TLN1: variants seen among roughly 807,000 people sequenced by gnomAD.
The protein encoded by TLN1 is talin-1.
TLN1 carries 56 observed loss-of-function variants against 292.3 expected under a neutral mutation model. That is an observed-to-expected ratio of 0.19 (90% CI 0.15 to 0.24). The LOEUF is 0.24. Among genes scored for constraint, TLN1 ranks in the 10% least tolerant of loss-of-function variants. TLN1 has a pLI of 1.00. For missense variants in TLN1, 2,433 were observed against 3,248.2 expected (o/e 0.75, Z 6.10); for synonymous variants, 1,119 against 1,253.7 (o/e 0.89, Z 2.27).
Position 35,724,560 on chromosome 9 carries a change from A to T in TLN1, c.511+12T>A. On this transcript the variant is annotated intron_variant, in intron 5 of 56. Coordinates refer to ENST00000314888, the MANE Select transcript of TLN1 (RefSeq NM_006289.4). The surrounding 1 kb of genome is among the most constrained non-coding windows in gnomAD (Gnocchi z 4.7). ...CCATTTCAAAAGCCCTCTTTTTTCTAGTTCTGCTTACACTCATCATCTGTG... is the reference window on the plus strand; with the variant it reads ...CCATTTCAAAAGCCCTCTTTTTTCTTGTTCTGCTTACACTCATCATCTGTG... The T allele has an allele frequency of 6.2e-7, 1 of 1,602,484 alleles. No homozygotes were observed. Among genetic ancestry groups the T allele is most frequent in the South Asian group, 1.1e-5 (1 of 89,258 alleles).
At chr9:35,722,346 A>G (rs1470623186) in intron 8 of TLN1, 123 bp from the exon 9 acceptor site, 1 of 834,380 alleles carries the variant, frequency 1.2e-6, no homozygotes, top group Non-Finnish European at 2.0e-6. Context: ...GGAGTACAAG[A>G]TATGAGAACG....
rs41277063 is a variant in TLN1, at chr9:35,719,723, C to T, written c.1578+17G>A. On this transcript the variant is annotated intron_variant, in intron 14 of 56. Transcript: ENST00000314888. This position sits in a 1 kb window ranked among gnomAD's most constrained non-coding sequence, Gnocchi z 4.6. ...TCAGCTTCAGTACCACCGGCCTCTCCTCCATCCCATACTTACAGCATCCTG... is the reference window on the plus strand; with the variant it reads ...TCAGCTTCAGTACCACCGGCCTCTCTTCCATCCCATACTTACAGCATCCTG... 2,990 of 1,610,400 alleles carry T rather than the reference C, an allele frequency of 1.9e-3. 6 individuals are homozygous for T. The highest frequency in any genetic ancestry group is 2.2e-3 in the Non-Finnish European group (2,605 of 1,178,020).
In TLN1 at chr9:35,719,116, T is replaced by A; in HGVS notation, c.1854A>T (p.Ala618=). The change falls in exon 16 of 57, where the codon GCA becomes GCT. Residue 618 remains alanine (A), a synonymous_variant. Transcript: ENST00000314888. The surrounding 1 kb of genome is among the most constrained non-coding windows in gnomAD (Gnocchi z 4.6). ...LLQAAKGLAG[A]VSELLRSAQP... The stretch of plus-strand genomic sequence containing the variant: ...GGGCACTGCGCAGCAGTTCTGACAC[T>A]GCTCCCGCAAGGCCCTTTGCTGCCT... The A allele has an allele frequency of 6.2e-7, 1 of 1,614,038 alleles. No individual in the cohort carries two copies. Among genetic ancestry groups the A allele is most frequent in the Non-Finnish European group, 8.5e-7 (1 of 1,180,032 alleles).
intron 16 of TLN1, 57 bp from the exon 17 acceptor site, chr9:35,718,967 A>T: frequency 2.5e-6 from 4 of 1,594,668 alleles, no homozygotes; most frequent in Non-Finnish European, 3.4e-6. Flanking sequence ...ATGCCTGTGC[A>T]TATCACAGGC....
In TLN1 at chr9:35,718,977, C is replaced by T. The variant is rs116203685; in HGVS notation, c.1897-67G>A. 7.2e-4 allele frequency: 1,145 copies of T among 1,596,554 alleles called. 11 individuals are homozygous for T. In the African/African-American group the frequency reaches 0.014, roughly 20 times the overall value. On this transcript the variant is annotated intron_variant, in intron 16 of 56. Transcript: ENST00000314888. ...CCCACATGCCTGTGCATATCACAGG[C>T]CCACGGGACCCAGGCTTCCATCCTG...
At position 35,707,694 on chromosome 9, in the gene TLN1, A is replaced by G; in HGVS notation, c.4632+37T>C. Reference sequence around the variant, plus strand: ...GGGGACTCGGGGGAGAAGATAGGACAGGTCAGGGAGAGGCTGGGAATTCAA... The same window carrying G: ...GGGGACTCGGGGGAGAAGATAGGACGGGTCAGGGAGAGGCTGGGAATTCAA... On this transcript the variant is annotated intron_variant, in intron 35 of 56. Coordinates refer to ENST00000314888, the MANE Select transcript of TLN1 (RefSeq NM_006289.4). The surrounding 1 kb of genome is among the most constrained non-coding windows in gnomAD (Gnocchi z 5.6). 1 of 1,613,494 alleles carries G rather than the reference A, an allele frequency of 6.2e-7. No homozygotes were observed. Among genetic ancestry groups the G allele is most frequent in the Admixed American group, 1.7e-5 (1 of 60,010 alleles).
chr9:35,723,548 G>A (rs1445339674), intron 7 of TLN1: 1 of 222,480 alleles, frequency 4.5e-6, no homozygotes, highest in East Asian at 1.6e-4. Context: ...CTAGAAGGAT[G>A]AACATGCACT....
rs1308171063 is a variant in TLN1 at position 35,720,231 on chromosome 9, T to C, written c.1284-12A>G. 7.0e-6 allele frequency: 11 copies of C among 1,566,914 alleles called. No homozygotes were observed. Among genetic ancestry groups the C allele is most frequent in the Non-Finnish European group, 8.6e-6 (10 of 1,157,434 alleles). ...GCAGGACTGTTGACCTGTAGAGGGG[T>C]GAACTATTGAGCTCACAGAGGACTC... is the stretch of plus-strand genomic sequence containing the variant. On this transcript the variant is annotated splice_polypyrimidine_tract_variant and intron_variant, in intron 12 of 56. Transcript: ENST00000314888.
chr9:35,707,276 GGTAA>G lies in TLN1; in HGVS notation c.4774-27_4774-24del, dbSNP rs1189957921. 3 of 1,604,384 alleles carry G rather than the reference GGTAA, an allele frequency of 1.9e-6. No homozygotes were observed. Among genetic ancestry groups the G allele is most frequent in the Non-Finnish European group, 2.6e-6 (3 of 1,172,996 alleles). On this transcript the variant is annotated intron_variant, in intron 36 of 56. Transcript: ENST00000314888. This position sits in a 1 kb window ranked among gnomAD's most constrained non-coding sequence, Gnocchi z 5.6. Reference sequence around the variant, plus strand: ...ACCCTGGGGAGAGGGGAGGCAGGAAGGTAAGTCTCAGGAGTCCCTGGAAGATGAG... The same window carrying G: ...ACCCTGGGGAGAGGGGAGGCAGGAAGGTCTCAGGAGTCCCTGGAAGATGAG...
rs779816111 is a variant in TLN1, at chr9:35,724,261, C to T, written c.585G>A (p.Arg195=). The T allele has an allele frequency of 9.9e-6, 16 of 1,614,046 alleles. No individual in the cohort carries two copies. The Admixed American group carries it at 1.0e-4, about 10-fold the overall frequency. The change falls in exon 6 of 57, where the codon AGG becomes AGA. Residue 195 remains arginine, a synonymous_variant. Coordinates refer to ENST00000314888, the MANE Select transcript of TLN1 (RefSeq NM_006289.4). This position sits in a 1 kb window ranked among gnomAD's most constrained non-coding sequence, Gnocchi z 4.7. ...CATTCTGGTCTGAGTAAAAGAACTT[C>T]CTCCGCAGCAGCAGCGTCTCGTGCT... The part of the protein sequence containing the change: ...VEEHETLLLR[R]KFFYSDQNVD...
Position 35,699,121 on chromosome 9 carries a change from T to C in TLN1, c.6910A>G (p.Ile2304Val), listed in dbSNP as rs771447783. 5.0e-6 allele frequency: 8 copies of C among 1,613,756 alleles called. No homozygotes were observed. The highest frequency in any genetic ancestry group is 6.8e-6 in the Non-Finnish European group (8 of 1,179,786). The change falls in exon 52 of 57, where the codon ATT (isoleucine) becomes GTT (valine). Residue 2304 changes from isoleucine to valine, a missense_variant. Transcript: ENST00000314888. The surrounding 1 kb of genome is among the most constrained non-coding windows in gnomAD (Gnocchi z 4.0). Reference protein sequence around the residue: ...EWVDPEDPTVIAENELLGAAA... With the variant: ...EWVDPEDPTVVAENELLGAAA... The stretch of plus-strand genomic sequence containing the variant: ...GCTCCCAGGAGCTCATTCTCAGCAA[T>C]GACTGTGGGGTCCTCTGGGTCTACC...
intron 11 of TLN1, 87 bp from the exon 12 acceptor site, chr9:35,720,596 C>G: frequency 7.5e-7 from 1 of 1,335,342 alleles, no homozygotes; most frequent in South Asian, 1.2e-5. Flanking sequence ...CATAACCAGC[C>G]ATTTTCCAGA....
chr9:35,722,840 C>G lies in TLN1; in HGVS notation c.843+21G>C, dbSNP rs766205878. 10 of 1,613,072 alleles carry G rather than the reference C, an allele frequency of 6.2e-6. No individual in the cohort carries two copies. In the Admixed American group the frequency reaches 1.7e-4, roughly 27 times the overall value. On this transcript the variant is annotated intron_variant, in intron 8 of 56. Coordinates refer to ENST00000314888, the MANE Select transcript of TLN1 (RefSeq NM_006289.4). ...CAAAGCTCCGCGGTCATCCCAAATA[C>G]TTTCCCCTACCCACATTCACCTGGA...
At chr9:35,731,421 CCT>C (rs36080423) in intron 1 of TLN1, among the ~76,000 whole-genome samples, 56,485 of 151,826 alleles carry the variant, frequency 0.37, 10,973 homozygotes, top group East Asian at 0.45. Context: ...CACCAAATCC[CCT>C]GATGTTAACC....
chr9:35,714,194 C>T lies in TLN1; in HGVS notation c.3120+45G>A. 6.3e-7 allele frequency: 1 copy of T among 1,595,994 alleles called. No individual in the cohort carries two copies. The highest frequency in any genetic ancestry group is 1.7e-5 in the Admixed American group (1 of 59,196). ...ATTCTGCACAGATTTCCTCTCATCA[C>T]AGGACTCCAGCCTCATCTTCCAAAG... is the stretch of plus-strand genomic sequence containing the variant. On this transcript the variant is annotated intron_variant, in intron 24 of 56. Coordinates refer to ENST00000314888, the MANE Select transcript of TLN1 (RefSeq NM_006289.4). This position sits in a 1 kb window ranked among gnomAD's most constrained non-coding sequence, Gnocchi z 4.6.
Position 35,713,368 on chromosome 9 carries a change from T to G in TLN1, c.3250-70A>C, listed in dbSNP as rs535930719. On this transcript the variant is annotated intron_variant, in intron 25 of 56. Coordinates refer to ENST00000314888, the MANE Select transcript of TLN1 (RefSeq NM_006289.4). ...GAGGAGAAGGAACCTGAGAAGGTAC[T>G]TGGGGACAGGTGGCAATTTAAATAA... 3.1e-6 allele frequency: 4 copies of G among 1,274,840 alleles called. No homozygotes were observed. In the African/African-American group the frequency reaches 5.9e-5, roughly 19 times the overall value. 79.0% of individuals were successfully genotyped at this position (1,274,840 alleles called of 1,614,324 possible).
In TLN1 at chr9:35,702,563, G is replaced by A. The variant is rs564504133; in HGVS notation, c.6474+997C>T. Among the ~76,000 whole-genome samples the A allele has an allele frequency of 9.4e-4, 143 of 152,124 alleles. 1 individual carries two copies. The highest frequency in any genetic ancestry group is 3.8e-3 in the Admixed American group (58 of 15,290). ...GCTGGAGTGCAGTGGCGCCATCTTG[G>A]CTCACTGCAACCTCTGCCTCCCGGG... On this transcript the variant is annotated intron_variant, in intron 48 of 56. Transcript: ENST00000314888.
intron 1 of TLN1, among the ~76,000 whole-genome samples, chr9:35,727,688 C>G (rs1290620893): frequency 6.6e-6 from 1 of 152,142 alleles, no homozygotes; most frequent in Non-Finnish European, 1.5e-5. Context: ...GCTGGTGGAT[C>G]CGAGAAGCTG....
intron 1 of TLN1, among the ~76,000 whole-genome samples, chr9:35,726,937 TCTC>T (rs1312793665): frequency 6.6e-6 from 1 of 152,204 alleles, no homozygotes; most frequent in African/African-American, 2.4e-5. Flanking sequence ...TCCCATGCTT[TCTC>T]CTCTTCAGCA....
Sources: gnomAD v4.1 joint callset for allele counts (sites outside exome capture counted in the v4.1 genomes callset) on GRCh38, gnomAD v4.1.1 for gene constraint, Gnocchi (gnomAD v3.1) non-coding constraint, MANE v1.5 for transcripts, NCBI Gene and HGNC (gene_info 2026-07-23, HGNC 2026-07-21) for gene names.